Variants in IGF2BP2 observed in about 807,000 individuals in gnomAD.
IGF2BP2 encodes the protein insulin-like growth factor 2 mRNA-binding protein 2.
Under a neutral mutation model 75.8 loss-of-function variants are expected in IGF2BP2, and 17 were observed. The ratio of observed to expected loss-of-function variants is 0.22; its 90% CI spans 0.15 to 0.34. The LOEUF is 0.34. IGF2BP2 is among the 10% of genes least tolerant of loss of function. The pLI is 1.00. For missense variants in IGF2BP2, 516 were observed against 772.4 expected (o/e 0.67, Z 3.93); for synonymous variants, 288 against 295.6 (o/e 0.97, Z 0.26).
At chr3:185,766,766 T>G (rs1733135743) in intron 2 of IGF2BP2, among the ~76,000 whole-genome samples, 1 of 152,248 alleles carries the variant, frequency 6.6e-6, no homozygotes, top group Non-Finnish European at 1.5e-5. Context: ...TACTTTCATT[T>G]TATCTTCACT....
chr3:185,793,813 T>C (rs867502589), intron 2 of IGF2BP2, among the ~76,000 whole-genome samples: 38 of 152,164 alleles, frequency 2.5e-4, no homozygotes, highest in Middle Eastern at 6.8e-3. Context: ...ACCCTGGAAT[T>C]CCAAGATTCC....
intron 2 of IGF2BP2, among the ~76,000 whole-genome samples, chr3:185,733,522 C>T (rs189153760): frequency 1.9e-4 from 29 of 152,268 alleles, no homozygotes; most frequent in Admixed American, 4.6e-4. Context: ...TTTGGGAGGC[C>T]GAGGCAGGCG....
At chr3:185,773,853 T>C (rs1734192603) in intron 2 of IGF2BP2, among the ~76,000 whole-genome samples, 1 of 152,220 alleles carries the variant, frequency 6.6e-6, no homozygotes, top group South Asian at 2.1e-4. Flanking sequence ...ACAAGTGCTC[T>C]AAAAGCCCTT....
At chr3:185,669,877 T>C (rs1577899588) in intron 10 of IGF2BP2, among the ~76,000 whole-genome samples, 1 of 152,340 alleles carries the variant, frequency 6.6e-6, no homozygotes, top group East Asian at 1.9e-4. Flanking sequence ...ACAGGTCTGC[T>C]GGGCCCACCA....
chr3:185,757,938 G>T (rs750169118), intron 2 of IGF2BP2, among the ~76,000 whole-genome samples: 1 of 152,200 alleles, frequency 6.6e-6, no homozygotes, highest in Non-Finnish European at 1.5e-5. Context: ...ATATAGCCAA[G>T]TCAACTGGCT....
intron 2 of IGF2BP2, among the ~76,000 whole-genome samples, chr3:185,732,710 A>T (rs567522430): frequency 6.6e-6 from 1 of 152,232 alleles, no homozygotes; most frequent in African/African-American, 2.4e-5. Context: ...AGAGTATATG[A>T]AGACAATTAT....
At chr3:185,681,730 C>G (rs992255871) in intron 7 of IGF2BP2, among the ~76,000 whole-genome samples, 1 of 151,982 alleles carries the variant, frequency 6.6e-6, no homozygotes, top group Admixed American at 6.6e-5. Context: ...ATAAATAGAC[C>G]AATGAAATAG....
chr3:185,748,027 T>C (rs1364408198), intron 2 of IGF2BP2, among the ~76,000 whole-genome samples: 6 of 151,704 alleles, frequency 4.0e-5, no homozygotes, highest in Admixed American at 3.3e-4. Flanking sequence ...AGCTACTTTT[T>C]TGTATTTTTA....
At chr3:185,668,407 G>A (rs765846677) in intron 10 of IGF2BP2, among the ~76,000 whole-genome samples, 5 of 150,784 alleles carry the variant, frequency 3.3e-5, no homozygotes, top group Admixed American at 6.6e-5. Flanking sequence ...TAGGGCGGGG[G>A]TATTGGGTGA....
At chr3:185,730,429 T>C (rs1051668051) in intron 2 of IGF2BP2, among the ~76,000 whole-genome samples, 4 of 94,834 alleles carry the variant, frequency 4.2e-5, no homozygotes, top group African/African-American at 1.4e-4. Flanking sequence ...CGCAGGTGTC[T>C]TTTTTTTTTT....
intron 2 of IGF2BP2, among the ~76,000 whole-genome samples, chr3:185,756,376 G>A (rs1450558526): frequency 6.6e-6 from 1 of 152,076 alleles, no homozygotes; most frequent in African/African-American, 2.4e-5. Context: ...CCCAGTCTCG[G>A]GTGTTCTTTT....
chr3:185,771,954 T>C (rs1183167454), intron 2 of IGF2BP2, among the ~76,000 whole-genome samples: 1 of 152,192 alleles, frequency 6.6e-6, no homozygotes. Context: ...TGTGGCCATA[T>C]CTGGTTAGGT....
intron 10 of IGF2BP2, among the ~76,000 whole-genome samples, chr3:185,659,452 C>T (rs1020663848): frequency 1.3e-5 from 2 of 152,180 alleles, no homozygotes; most frequent in Non-Finnish European, 2.9e-5. Flanking sequence ...CGGCTCACTG[C>T]AACCTCCGCC....
chr3:185,689,695 G>C, intron 5 of IGF2BP2, 68 bp from the exon 6 acceptor site: 1 of 1,595,282 alleles, frequency 6.3e-7, no homozygotes, highest in Non-Finnish European at 8.6e-7. Context: ...CCGGCCGGGC[G>C]CGGTGGCTCA....
Position 185,653,914 on chromosome 3 carries a change from T to C in IGF2BP2, c.1387-1746A>G, listed in dbSNP as rs16860167. 3.8e-3 allele frequency among the ~76,000 whole-genome samples: 586 copies of C among 152,266 alleles called. 2 individuals carry two copies. Among genetic ancestry groups the C allele is most frequent in the African/African-American group, 0.013 (557 of 41,546 alleles). On this transcript the variant is annotated intron_variant, in intron 12 of 15. Coordinates refer to ENST00000382199, the MANE Select transcript of IGF2BP2 (RefSeq NM_006548.6). ...CCTCGGTGTTGCATTTGTGCATGGA[T>C]CACCTCTGGACCACTGTGTCACTTG...
chr3:185,824,701 C>A (rs748144864), intron 1 of IGF2BP2, 82 bp downstream of exon 1: 3 of 1,113,690 alleles, frequency 2.7e-6, no homozygotes, highest in Non-Finnish European at 3.4e-6. Context: ...CGGGCGCCGC[C>A]CGCCGGACTC....
chr3:185,789,436 G>A (rs1176316983), intron 2 of IGF2BP2, among the ~76,000 whole-genome samples: 3 of 152,094 alleles, frequency 2.0e-5, no homozygotes, highest in African/African-American at 7.2e-5. Context: ...TTTTCTCTCA[G>A]ATCACAGCAA....
At position 185,647,238 on chromosome 3, in the gene IGF2BP2, G is replaced by A. The variant is rs1713734965; in HGVS notation, c.1594-100C>T. The A allele has an allele frequency of 7.0e-6, 6 of 852,412 alleles. No individual in the cohort carries two copies. Among genetic ancestry groups the A allele is most frequent in the South Asian group, 5.4e-5 (4 of 74,604 alleles). 52.8% of individuals were successfully genotyped at this position (852,412 alleles called of 1,614,324 possible). ...GGGCCAAGAGGTGGAGCAGGGGAAGGAGGGGGGCTGGACTCTGCTCTCCTT... is the reference window on the plus strand; with the variant it reads ...GGGCCAAGAGGTGGAGCAGGGGAAGAAGGGGGGCTGGACTCTGCTCTCCTT... On this transcript the variant is annotated intron_variant, in intron 14 of 15. Transcript: ENST00000382199. This position sits in a 1 kb window ranked among gnomAD's most constrained non-coding sequence, Gnocchi z 4.9.
At chr3:185,755,244 C>T (rs890856663) in intron 2 of IGF2BP2, among the ~76,000 whole-genome samples, 1 of 152,222 alleles carries the variant, frequency 6.6e-6, no homozygotes, top group Non-Finnish European at 1.5e-5. Flanking sequence ...GCTCCAGCTC[C>T]AGCCACGGTT....
Sources: gnomAD v4.1 joint callset for allele counts (sites outside exome capture counted in the v4.1 genomes callset) on GRCh38, gnomAD v4.1.1 for gene constraint, Gnocchi (gnomAD v3.1) non-coding constraint, MANE v1.5 for transcripts, NCBI Gene and HGNC (gene_info 2026-07-23, HGNC 2026-07-21) for gene names.